The following IGSF10 variants were observed in gnomAD, a reference collection of about 807,000 sequenced individuals.
The protein encoded by IGSF10 is calvaria mechanical force protein 608.
In IGSF10, 126 loss-of-function variants were observed where a neutral mutation model predicts 128.2. The ratio of observed to expected loss-of-function variants is 0.98; its 90% CI spans 0.85 to 1.14. The LOEUF (loss-of-function observed/expected upper bound fraction) is 1.14, where lower values mean the gene tolerates loss of function less well. Among genes scored for constraint, IGSF10 ranks in the 50% most tolerant of loss-of-function variants. IGSF10 has a pLI of 0.00. For missense variants in IGSF10, 3,295 were observed against 3,149.8 expected (o/e 1.05, Z -1.10); for synonymous variants, 1,185 against 1,146.2 (o/e 1.03, Z -0.68).
downstream of IGSF10, chr3:151,435,043 T>C (rs2108507529): frequency 2.1e-5 from 3 of 146,088 alleles, no homozygotes; most frequent in Middle Eastern, 6.9e-3. Context: ...CCCTGTTAAT[T>C]CTGTATCTTG....
chr3:151,549,454 A>G, the IGSF10 span, among the ~76,000 whole-genome samples: 24 of 152,294 alleles, frequency 1.6e-4, no homozygotes, highest in South Asian at 4.1e-4. Context: ...TTTTTGTCCT[A>G]TCTTCTTCTT....
intron 5 of IGSF10, among the ~76,000 whole-genome samples, chr3:151,451,148 C>T (rs1193933889): frequency 1.3e-5 from 2 of 152,248 alleles, no homozygotes; most frequent in Non-Finnish European, 2.9e-5. Flanking sequence ...CCCATTCCCT[C>T]GGTTCCAGCC....
the IGSF10 span, among the ~76,000 whole-genome samples, chr3:151,522,253 T>C: frequency 1.3e-3 from 197 of 152,232 alleles, 3 homozygotes; most frequent in Admixed American, 3.1e-3. Flanking sequence ...CATAGCCAAA[T>C]TCTGCCAGAT....
chr3:151,445,949 T>G lies in IGSF10; in HGVS notation c.4032A>C (p.Ile1344=). 1.2e-6 allele frequency: 2 copies of G among 1,614,192 alleles called. No individual in the cohort carries two copies. Among genetic ancestry groups the G allele is most frequent in the Non-Finnish European group, 1.7e-6 (2 of 1,180,032 alleles). Residue 1344 remains isoleucine (I), a synonymous_variant, in exon 6 of 8, where the codon ATA becomes ATC. Transcript: ENST00000282466. ...TCTTTTGAGGCTCCTGTTCTCTTTG[T>G]ATTGTTTGTGCTCTAGATCTCTCTG... ...TQTERSRAQT[I]QREQEPQKKN...
At chr3:151,581,767 T>C in the IGSF10 span, among the ~76,000 whole-genome samples, 1 of 152,228 alleles carries the variant, frequency 6.6e-6, no homozygotes, top group African/African-American at 2.4e-5. Flanking sequence ...GGTGACTGCA[T>C]TTGTAGAATA....
At chr3:151,566,603 A>G in the IGSF10 span, among the ~76,000 whole-genome samples, 1 of 152,312 alleles carries the variant, frequency 6.6e-6, no homozygotes, top group East Asian at 1.9e-4. Context: ...AGAGATAAAC[A>G]TTCAACAGGA....
the IGSF10 span, among the ~76,000 whole-genome samples, chr3:151,482,620 G>C: frequency 3.9e-5 from 6 of 152,282 alleles, no homozygotes; most frequent in South Asian, 8.3e-4. Context: ...GACAAAGAAA[G>C]CTTCTTTAAT....
chr3:151,586,241 T>C, the IGSF10 span, among the ~76,000 whole-genome samples: 2 of 152,206 alleles, frequency 1.3e-5, no homozygotes, highest in Non-Finnish European at 2.9e-5. Flanking sequence ...ATTATAGGCA[T>C]GAGCGAAGGC....
chr3:151,550,241 G>A, the IGSF10 span, among the ~76,000 whole-genome samples: 1 of 151,990 alleles, frequency 6.6e-6, no homozygotes, highest in Non-Finnish European at 1.5e-5. Flanking sequence ...TTCCATTTTG[G>A]CATATCTCCG....
At chr3:151,566,304 G>T in the IGSF10 span, among the ~76,000 whole-genome samples, 46 of 152,000 alleles carry the variant, frequency 3.0e-4, 1 homozygote, top group Admixed American at 2.8e-3. Flanking sequence ...AAAAGATAGT[G>T]CATAAGGTCT....
the IGSF10 span, among the ~76,000 whole-genome samples, chr3:151,611,928 A>T: frequency 1.3e-5 from 2 of 152,178 alleles, no homozygotes; most frequent in African/African-American, 4.8e-5. Context: ...TGAGCCACTG[A>T]CTCACCTTCA....
At chr3:151,562,624 A>G in the IGSF10 span, among the ~76,000 whole-genome samples, 1 of 152,076 alleles carries the variant, frequency 6.6e-6, no homozygotes, top group African/African-American at 2.4e-5. Flanking sequence ...TTCTAAAGGT[A>G]CTTCCTCCAA....
chr3:151,513,749 A>G, the IGSF10 span, among the ~76,000 whole-genome samples: 1 of 152,210 alleles, frequency 6.6e-6, no homozygotes, highest in Admixed American at 6.5e-5. Context: ...AATCTCTTTA[A>G]GCTGATAAGC....
chr3:151,454,636 A>G (rs539358454), intron 4 of IGSF10, among the ~76,000 whole-genome samples: 46 of 152,208 alleles, frequency 3.0e-4, no homozygotes, highest in African/African-American at 1.0e-3. Flanking sequence ...TTTCTTAAAC[A>G]TAAATTTTTC....
In IGSF10 at chr3:151,453,890, T is replaced by C. The variant is rs1381466504; in HGVS notation, c.325-116A>G. On this transcript the variant is annotated intron_variant, in intron 4 of 7. Transcript: ENST00000282466. ...TTAATTCAGTGCAATTTATATACCTTCTTAGGATCCCAATTCAATCAAATT... is the reference window on the plus strand; with the variant it reads ...TTAATTCAGTGCAATTTATATACCTCCTTAGGATCCCAATTCAATCAAATT... 3 of 596,704 alleles carry C rather than the reference T, an allele frequency of 5.0e-6. No individual in the cohort carries two copies. The Admixed American group carries it at 9.7e-5, about 19-fold the overall frequency. 37.0% of individuals were successfully genotyped at this position (596,704 alleles called of 1,614,324 possible).
At chr3:151,485,971 T>TG in the IGSF10 span, among the ~76,000 whole-genome samples, 130,276 of 152,060 alleles carry the variant, frequency 0.86, 56,018 homozygotes, top group Middle Eastern at 0.95. Context: ...TAAATGTAAA[T>TG]GGCTAAGTGT....
At chr3:151,531,444 T>A in the IGSF10 span, among the ~76,000 whole-genome samples, 603 of 152,100 alleles carry the variant, frequency 4.0e-3, no homozygotes, top group African/African-American at 0.014. Context: ...AGTAAAACAC[T>A]CCTCAGCAAA....
In IGSF10 at chr3:151,445,590, G is replaced by A. The variant is rs766425498; in HGVS notation, c.4391C>T (p.Pro1464Leu). 6.2e-7 allele frequency: 1 copy of A among 1,614,074 alleles called. No homozygotes were observed. Among genetic ancestry groups the A allele is most frequent in the South Asian group, 1.1e-5 (1 of 91,074 alleles). The change falls in exon 6 of 8, where the codon CCA becomes CTA. Residue 1464 changes from proline (P) to leucine (L), a missense_variant. Physicochemically the swap from Pro to Leu is moderately conservative, Grantham distance 98. Transcript: ENST00000282466. ...TAGAGTAGCACTGCTGCTCAAGAAT[G>A]GTGGTATGGTTGAGTGTCTAATGAT... ...KAIIRHSTIP[P>L]FLSSSATLMP...
chr3:151,451,819 A>T (rs577923688), intron 5 of IGSF10, among the ~76,000 whole-genome samples: 1 of 152,348 alleles, frequency 6.6e-6, no homozygotes, highest in East Asian at 1.9e-4. Context: ...AAAAGAATGG[A>T]AACAGAGCAG....
Sources: allele counts gnomAD v4.1 joint callset (sites outside exome capture counted in the v4.1 genomes callset), GRCh38; gene constraint gnomAD v4.1.1; transcripts MANE v1.5; gene names NCBI Gene and HGNC (gene_info 2026-07-23, HGNC 2026-07-21).